Variants in ZNF724 observed in about 807,000 individuals in gnomAD.
The protein encoded by ZNF724 is zinc finger protein 724, also known as zinc finger protein 724 pseudogene.
In ZNF724, 14 loss-of-function variants were observed where a neutral mutation model predicts 29.3. The ratio of observed to expected loss-of-function variants is 0.48; its 90% CI spans 0.32 to 0.75. The LOEUF (loss-of-function observed/expected upper bound fraction) is 0.75, where lower values mean the gene tolerates loss of function less well. Ranked by LOEUF, ZNF724 falls within the 30% of genes least tolerant of loss-of-function variation. ZNF724 has a pLI of 0.04. For missense variants in ZNF724, 557 were observed against 571.2 expected (o/e 0.98, Z 0.25); for synonymous variants, 180 against 193.6 (o/e 0.93, Z 0.58).
At position 23,223,251 on chromosome 19, in the gene ZNF724, G is replaced by A; in HGVS notation, c.994C>T (p.His332Tyr). 1.1e-6 allele frequency: 1 copy of A among 882,826 alleles called. No homozygotes were observed. The highest frequency in any genetic ancestry group is 1.9e-6 in the Non-Finnish European group (1 of 518,434). The allele number at this position is 882,826 out of a possible 1,614,324, so 54.7% of individuals were successfully genotyped here. A position where few individuals can be genotyped will look rare whatever the true frequency, so the allele number is the denominator to read the frequency against. Residue 332 changes from histidine to tyrosine, a missense_variant, in exon 4 of 4, where the codon CAT becomes TAT. Physicochemically the swap from His to Tyr is moderately conservative, Grantham distance 83. Around this residue, in one of 3 missense-constraint regions of ZNF724, gnomAD observed 362 missense variants for 295.5 expected, o/e 1.22. Transcript: ENST00000418100. ...SSNLTKHKRI[H>Y]TGDKPYKCEE... is the part of the protein sequence containing the mutation. ...CATTTATAAGGTTTATCACCAGTAT[G>A]AATTCTCTTATGTTTAGTAAGGTTC...
chr19:23,224,308 G>A (rs921976796), intron 3 of ZNF724, among the ~76,000 whole-genome samples: 2 of 152,100 alleles, frequency 1.3e-5, no homozygotes, highest in Admixed American at 6.6e-5. Flanking sequence ...AGCTACTCAG[G>A]AGGCTGAGGC....
chr19:23,239,312 C>G (rs1972078006), intron 1 of ZNF724, among the ~76,000 whole-genome samples: 1 of 152,216 alleles, frequency 6.6e-6, no homozygotes, highest in African/African-American at 2.4e-5. Flanking sequence ...ATTGACCACA[C>G]AATCAGAAAT....
intron 1 of ZNF724, among the ~76,000 whole-genome samples, chr19:23,232,617 G>T (rs1971955800): frequency 6.6e-6 from 1 of 151,318 alleles, no homozygotes; most frequent in Non-Finnish European, 1.5e-5. Context: ...TGAGATGAAA[G>T]ACATGTCGAG....
intron 1 of ZNF724, among the ~76,000 whole-genome samples, chr19:23,233,592 C>G (rs1971975554): frequency 6.6e-6 from 1 of 151,548 alleles, no homozygotes; most frequent in Admixed American, 6.6e-5. Context: ...ATATAAAAAG[C>G]CAAAATGTAA....
chr19:23,246,580 G>A (rs532560111), intron 1 of ZNF724, among the ~76,000 whole-genome samples: 14 of 151,954 alleles, frequency 9.2e-5, no homozygotes, highest in South Asian at 2.1e-4. Flanking sequence ...GCTTAAACCC[G>A]GAGTCGGAGG....
intron 1 of ZNF724, among the ~76,000 whole-genome samples, chr19:23,246,783 T>C (rs986325810): frequency 6.6e-6 from 1 of 152,220 alleles, no homozygotes; most frequent in African/African-American, 2.4e-5. Context: ...TCTATGTAAC[T>C]CAGCAATTAT....
At chr19:23,246,657 G>C (rs1400804687) in intron 1 of ZNF724, among the ~76,000 whole-genome samples, 1 of 149,606 alleles carries the variant, frequency 6.7e-6, no homozygotes, top group Non-Finnish European at 1.5e-5. Context: ...CTGTCTCAGG[G>C]GAAAAAAAAA....
chr19:23,233,416 A>T (rs11667040), intron 1 of ZNF724, among the ~76,000 whole-genome samples: 51,426 of 151,986 alleles, frequency 0.34, 9,199 homozygotes, highest in African/African-American at 0.46. Context: ...GGCTAATAGC[A>T]AACACAAATG....
At chr19:23,243,880 A>G (rs1276209024) in intron 1 of ZNF724, among the ~76,000 whole-genome samples, 1 of 150,828 alleles carries the variant, frequency 6.6e-6, no homozygotes, top group Non-Finnish European at 1.5e-5. Context: ...CCGAGATCAT[A>G]CCATTGCACT....
intron 1 of ZNF724, chr19:23,236,500 T>C (rs1449937415): frequency 6.5e-6 from 1 of 153,652 alleles, no homozygotes; most frequent in Non-Finnish European, 1.5e-5. Flanking sequence ...CACCATGGGA[T>C]AGTAATAGAG....
intron 3 of ZNF724, among the ~76,000 whole-genome samples, chr19:23,228,530 G>A (rs986015965): frequency 7.3e-5 from 11 of 151,340 alleles, no homozygotes; most frequent in South Asian, 6.3e-4. Context: ...GGCGGGTGTC[G>A]ATCATCTGAG....
intron 1 of ZNF724, among the ~76,000 whole-genome samples, chr19:23,234,480 T>A (rs2145782561): frequency 6.6e-6 from 1 of 152,252 alleles, no homozygotes; most frequent in Middle Eastern, 3.4e-3. Flanking sequence ...AGACGGTGTT[T>A]TGCTCTTGTC....
chr19:23,248,929 A>G (rs904615304), intron 1 of ZNF724, among the ~76,000 whole-genome samples: 1 of 152,080 alleles, frequency 6.6e-6, no homozygotes, highest in Admixed American at 6.6e-5. Context: ...CGGGAGGTGG[A>G]GGTTGCAGAT....
chr19:23,243,110 T>C (rs942870398), intron 1 of ZNF724, among the ~76,000 whole-genome samples: 4 of 150,682 alleles, frequency 2.7e-5, no homozygotes, highest in African/African-American at 9.8e-5. Flanking sequence ...GAATACTGTA[T>C]GACCATAAAA....
At chr19:23,228,515 A>G (rs60806677) in intron 3 of ZNF724, among the ~76,000 whole-genome samples, 2,064 of 147,896 alleles carry the variant, frequency 0.014, 61 homozygotes, top group African/African-American at 0.048. Context: ...ACTTTGGGGG[A>G]CTGAGGCGGG....
Position 23,223,722 on chromosome 19 carries a change from A to G in ZNF724, c.523T>C (p.Cys175Arg). 1 of 725,118 alleles carries G rather than the reference A, an allele frequency of 1.4e-6. No individual in the cohort carries two copies. The allele number at this position is 725,118 out of a possible 1,614,324, so 44.9% of individuals were successfully genotyped here. The change falls in exon 4 of 4, where the codon TGT (cysteine) becomes CGT (arginine). Residue 175 changes from cysteine to arginine, a missense_variant. Cys to Arg is a radical substitution (Grantham distance 180). This residue lies in a region of ZNF724 where 362 missense variants were observed against 295.5 expected (regional missense o/e 1.22). Transcript: ENST00000418100. The part of the protein sequence containing the change: ...TEKNPFKCKE[C>R]GKSFCVLSHL... ...GAAAGAACACAAAATGACTTGCCAC[A>G]TTCTTTACATTTGAAAGGATTCTTT...
chr19:23,224,542 G>T (rs1466259871), intron 3 of ZNF724, among the ~76,000 whole-genome samples: 2 of 152,148 alleles, frequency 1.3e-5, no homozygotes, highest in Non-Finnish European at 2.9e-5. Flanking sequence ...AATGAGTTAA[G>T]TGTGTACAGT....
chr19:23,230,783 C>A (rs557434448), intron 3 of ZNF724: 1 of 152,294 alleles, frequency 6.6e-6, no homozygotes, highest in East Asian at 1.9e-4. Flanking sequence ...ACAAAAGATA[C>A]CCCTATGTAA....
At chr19:23,225,958 C>G (rs4932838) in intron 3 of ZNF724, among the ~76,000 whole-genome samples, 71,774 of 151,744 alleles carry the variant, frequency 0.47, 19,046 homozygotes, top group East Asian at 0.68. Flanking sequence ...CTCAAGTAAT[C>G]CTACCCCTTC....
Sources: gnomAD v4.1 joint callset for allele counts (sites outside exome capture counted in the v4.1 genomes callset) on GRCh38, gnomAD v4.1.1 for gene constraint, gnomAD v4.1.1 regional missense constraint, MANE v1.5 for transcripts, NCBI Gene and HGNC (gene_info 2026-07-23, HGNC 2026-07-21) for gene names.